KDM6A: variants seen among roughly 807,000 people sequenced by gnomAD.
KDM6A encodes lysine-specific demethylase 6A.
A neutral mutation model predicts 117.6 loss-of-function variants in KDM6A; 11 were observed. The ratio of observed to expected loss-of-function variants is 0.09; its 90% CI spans 0.06 to 0.15. The LOEUF is 0.15. Among genes scored for constraint, KDM6A ranks in the 10% least tolerant of loss-of-function variants. KDM6A has a pLI of 1.00. For missense variants in KDM6A, 799 were observed against 1,077.3 expected (o/e 0.74, Z 3.62); for synonymous variants, 384 against 396.1 (o/e 0.97, Z 0.36).
intron 2 of KDM6A, among the ~76,000 whole-genome samples, chrX:44,922,938 AATTT>A (rs2146900083): frequency 8.9e-6 from 1 of 112,159 alleles, no homozygotes; most frequent in African/African-American, 3.2e-5. Flanking sequence ...GCTAGTAATT[AATTT>A]TTCTGTCTTT....
intron 2 of KDM6A, among the ~76,000 whole-genome samples, chrX:44,894,685 G>A (rs976987138): frequency 2.8e-5 from 3 of 107,244 alleles, no homozygotes; most frequent in Non-Finnish European, 3.8e-5. Context: ...GCGTGATCTC[G>A]GCTCACTGCA....
chrX:44,990,591 A>AAAT (rs1335345598), intron 4 of KDM6A, among the ~76,000 whole-genome samples: 11 of 61,819 alleles, frequency 1.8e-4, no homozygotes, highest in South Asian at 7.1e-4. Context: ...AATAAATAAA[A>AAAT]GCTGTCATCT....
chrX:44,968,493 C>T (rs1488399523), intron 3 of KDM6A, among the ~76,000 whole-genome samples: 3 of 113,193 alleles, frequency 2.7e-5, no homozygotes, highest in African/African-American at 9.6e-5. Flanking sequence ...AGTGATTTCA[C>T]TTCTTTGGGT....
At chrX:44,924,648 G>T (rs867110849) in intron 2 of KDM6A, among the ~76,000 whole-genome samples, 1 of 90,453 alleles carries the variant, frequency 1.1e-5, no homozygotes, top group Non-Finnish European at 2.2e-5. Flanking sequence ...GGTGGTCCTG[G>T]GTGTGTGTGT....
chrX:45,026,324 C>T (rs919588371), intron 6 of KDM6A, among the ~76,000 whole-genome samples: 1 of 111,355 alleles, frequency 9.0e-6, no homozygotes, highest in African/African-American at 3.3e-5. Flanking sequence ...TACTTCATTA[C>T]GAGGTGTCTC....
chrX:45,107,841 A>T (rs768188789), intron 28 of KDM6A, among the ~76,000 whole-genome samples: 150 of 111,845 alleles, frequency 1.3e-3, no homozygotes, highest in Non-Finnish European at 2.4e-3. Context: ...ATGTACACAG[A>T]TGCCAATAAA....
intron 27 of KDM6A, among the ~76,000 whole-genome samples, chrX:45,094,297 C>T (rs2046012104): frequency 9.0e-6 from 1 of 111,461 alleles, no homozygotes; most frequent in Admixed American, 9.5e-5. Context: ...GGTGATAGAT[C>T]CACTGATGTT....
intron 3 of KDM6A, among the ~76,000 whole-genome samples, chrX:44,965,308 A>T (rs1288453541): frequency 8.9e-6 from 1 of 111,845 alleles, no homozygotes; most frequent in Non-Finnish European, 1.9e-5. Flanking sequence ...CTGGAATAGC[A>T]CTTCAAATTT....
At chrX:45,104,481 C>G (rs983907488) in intron 27 of KDM6A, among the ~76,000 whole-genome samples, 2 of 112,342 alleles carry the variant, frequency 1.8e-5, no homozygotes, top group Non-Finnish European at 3.8e-5. Context: ...TGGGGCTAAT[C>G]AAAGCAGAAC....
At chrX:45,083,632 C>T (rs1417137265) in intron 24 of KDM6A, 24 bp downstream of exon 24, 2 of 1,172,720 alleles carry the variant, frequency 1.7e-6, no homozygotes, top group Non-Finnish European at 2.3e-6. Flanking sequence ...ACTAACATAT[C>T]TTGTTAAAAT....
At chrX:44,919,901 C>G (rs1384724443) in intron 2 of KDM6A, among the ~76,000 whole-genome samples, 1 of 111,864 alleles carries the variant, frequency 8.9e-6, no homozygotes, top group African/African-American at 3.3e-5. Flanking sequence ...TGAGCCACCA[C>G]GCCTGGCCCA....
chrX:45,040,452 C>G (rs1438201073), intron 8 of KDM6A, among the ~76,000 whole-genome samples: 1 of 56,768 alleles, frequency 1.8e-5, no homozygotes, highest in African/African-American at 6.0e-5. Flanking sequence ...GGGGGCTGAC[C>G]CCCCCCACCT....
At chrX:44,945,055 C>G (rs891160345) in intron 2 of KDM6A, among the ~76,000 whole-genome samples, 3 of 111,254 alleles carry the variant, frequency 2.7e-5, no homozygotes, top group Non-Finnish European at 5.7e-5. Context: ...CTTTCATCTT[C>G]ATTTATGGAA....
intron 25 of KDM6A, among the ~76,000 whole-genome samples, chrX:45,086,378 A>G (rs1312243274): frequency 8.9e-6 from 1 of 112,524 alleles, no homozygotes; most frequent in Non-Finnish European, 1.9e-5. Flanking sequence ...AAGCTTGACC[A>G]TAATACCTTT....
At chrX:44,975,476 T>C (rs1303934563) in intron 4 of KDM6A, among the ~76,000 whole-genome samples, 1 of 110,802 alleles carries the variant, frequency 9.0e-6, no homozygotes, top group Non-Finnish European at 1.9e-5. Flanking sequence ...GAGAACACCG[T>C]GTAGAGGTTT....
At chrX:44,961,175 A>G (rs186066482) in intron 2 of KDM6A, 109 bp from the exon 3 acceptor site, 108 of 516,338 alleles carry the variant, frequency 2.1e-4, no homozygotes, top group African/African-American at 1.9e-3. Context: ...GAAATTTTCA[A>G]TATTGACTTC....
At chrX:45,053,991 T>A in intron 10 of KDM6A, 36 bp downstream of exon 10, 2 of 1,175,936 alleles carry the variant, frequency 1.7e-6, no homozygotes, top group Non-Finnish European at 2.3e-6. Context: ...TGATTTTGTC[T>A]ATTCCAGCTA....
chrX:44,984,987 A>G (rs1457619385), intron 4 of KDM6A, among the ~76,000 whole-genome samples: 7 of 110,113 alleles, frequency 6.4e-5, no homozygotes, highest in African/African-American at 1.7e-4. Context: ...CATTGAATCT[A>G]TAAATTACCT....
intron 3 of KDM6A, among the ~76,000 whole-genome samples, chrX:44,961,999 G>C (rs5952660): frequency 0.22 from 24,291 of 110,766 alleles, 4,364 homozygotes; most frequent in African/African-American, 0.61. Context: ...AAAGCACCCG[G>C]AAACCCCGCC....
Sources: allele counts gnomAD v4.1 joint callset (sites outside exome capture counted in the v4.1 genomes callset), GRCh38; gene constraint gnomAD v4.1.1; transcripts MANE v1.5; gene names NCBI Gene and HGNC (gene_info 2026-07-23, HGNC 2026-07-21).